Variants in PTPRG observed in about 807,000 individuals in gnomAD.
PTPRG encodes receptor-type tyrosine-protein phosphatase gamma.
In PTPRG, 102 loss-of-function variants were observed where a neutral mutation model predicts 165.3. The observed-to-expected ratio is 0.62, with a 90% confidence interval of 0.53 to 0.73. The LOEUF (loss-of-function observed/expected upper bound fraction) is 0.73. Ranked by LOEUF, PTPRG falls within the 30% of genes least tolerant of loss-of-function variation. PTPRG has a pLI of 0.00. For missense variants in PTPRG, 1,866 were observed against 1,861.4 expected (o/e 1.00, Z -0.05); for synonymous variants, 675 against 669.5 (o/e 1.01, Z -0.13).
At chr3:61,897,312 A>G (rs144716809) in intron 2 of PTPRG, among the ~76,000 whole-genome samples, 1 of 145,820 alleles carries the variant, frequency 6.9e-6, no homozygotes, top group Non-Finnish European at 1.5e-5. Flanking sequence ...TTTTTTGCCT[A>G]AGGTTTTCCA....
intron 2 of PTPRG, among the ~76,000 whole-genome samples, chr3:61,978,543 A>G (rs909603902): frequency 2.8e-4 from 43 of 152,190 alleles, no homozygotes; most frequent in African/African-American, 8.9e-4. Flanking sequence ...ATTATTGCCA[A>G]TTCTTTCGTA....
At chr3:62,017,405 A>G (rs1337590080) in intron 4 of PTPRG, among the ~76,000 whole-genome samples, 1 of 141,362 alleles carries the variant, frequency 7.1e-6, no homozygotes. Flanking sequence ...TTAATCGTTT[A>G]GCTCAGAAAA....
At position 62,157,056 on chromosome 3, in the gene PTPRG, TC is replaced by T; in HGVS notation, c.683-7del. 2 of 1,589,976 alleles carry T rather than the reference TC, an allele frequency of 1.3e-6. No homozygotes were observed. The highest frequency in any genetic ancestry group is 1.7e-6 in the Non-Finnish European group (2 of 1,158,346). On this transcript the variant is annotated splice_polypyrimidine_tract_variant and intron_variant, in intron 6 of 29. Coordinates refer to ENST00000474889, the MANE Select transcript of PTPRG (RefSeq NM_002841.4). ...CCATTGTGCTTTTCTTTTCCCTTTT[TC>T]CCCAAACAGAGAAGGAGACCTTTCT...
chr3:62,183,436 T>C (rs1329962608), intron 8 of PTPRG, among the ~76,000 whole-genome samples: 1 of 151,992 alleles, frequency 6.6e-6, no homozygotes, highest in African/African-American at 2.4e-5. Context: ...TGGTGGTGGG[T>C]ACCTGTAATC....
At chr3:61,763,971 T>C (rs1187372161) in intron 2 of PTPRG, among the ~76,000 whole-genome samples, 2 of 152,214 alleles carry the variant, frequency 1.3e-5, no homozygotes, top group Non-Finnish European at 2.9e-5. Flanking sequence ...GAGCCACACA[T>C]AGCTACTGAC....
chr3:61,986,250 A>G (rs1340730354), intron 2 of PTPRG, among the ~76,000 whole-genome samples: 2 of 151,430 alleles, frequency 1.3e-5, no homozygotes, highest in Admixed American at 1.3e-4. Context: ...GGCTTACTGT[A>G]TGTGAGCCCC....
intron 2 of PTPRG, among the ~76,000 whole-genome samples, chr3:61,868,371 A>G (rs950167840): frequency 1.3e-5 from 2 of 152,164 alleles, no homozygotes; most frequent in Non-Finnish European, 2.9e-5. Context: ...GAAGAAAGGC[A>G]TCATATCATC....
chr3:62,017,452 T>G lies in PTPRG; in HGVS notation c.519+13955T>G, dbSNP rs545031530. Reference sequence around the variant, plus strand: ...TTTTTTTGAGGCGGAGTCTCGCTCTTTCGCCCAGGCTGGAGTGCAGTGGCG... The same window carrying G: ...TTTTTTTGAGGCGGAGTCTCGCTCTGTCGCCCAGGCTGGAGTGCAGTGGCG... On this transcript the variant is annotated intron_variant, in intron 4 of 29. Coordinates refer to ENST00000474889, the MANE Select transcript of PTPRG (RefSeq NM_002841.4). Among the ~76,000 whole-genome samples, 893 of 151,914 alleles carry G rather than the reference T, an allele frequency of 5.9e-3. 15 individuals are homozygous for G. Among genetic ancestry groups the G allele is most frequent in the African/African-American group, 0.021 (852 of 41,420 alleles).
intron 3 of PTPRG, among the ~76,000 whole-genome samples, chr3:61,994,944 C>G (rs1201852953): frequency 1.3e-5 from 2 of 152,030 alleles, no homozygotes; most frequent in Non-Finnish European, 2.9e-5. Flanking sequence ...TCTCTGCAGC[C>G]CTGAAGAGCC....
At chr3:62,187,904 C>T (rs1429810659) in intron 8 of PTPRG, among the ~76,000 whole-genome samples, 1 of 152,178 alleles carries the variant, frequency 6.6e-6, no homozygotes, top group African/African-American at 2.4e-5. Flanking sequence ...GAATTCCCTT[C>T]CTGGCAGGTG....
rs938876640 is a variant in PTPRG at position 62,097,143 on chromosome 3, C to T, written c.615+18885C>T. On this transcript the variant is annotated intron_variant, in intron 5 of 29. Transcript: ENST00000474889. ...GGCAAACTCAGAGTTTCTTTGGAAC[C>T]GATTGCCTTTGTTCCACTTAGTATC... Among the ~76,000 whole-genome samples, 6 of 152,236 alleles carry T rather than the reference C, an allele frequency of 3.9e-5. No homozygotes were observed. The South Asian group carries it at 1.0e-3, about 26-fold the overall frequency.
intron 4 of PTPRG, among the ~76,000 whole-genome samples, chr3:62,015,532 A>C (rs186645770): frequency 6.6e-6 from 1 of 152,308 alleles, no homozygotes; most frequent in East Asian, 1.9e-4. Flanking sequence ...TTACAACCCA[A>C]GGTCTTGCTG....
intron 3 of PTPRG, among the ~76,000 whole-genome samples, chr3:61,995,778 T>C (rs1263111990): frequency 6.7e-6 from 1 of 150,152 alleles, no homozygotes; most frequent in Non-Finnish European, 1.5e-5. Flanking sequence ...CTTCTTTTTC[T>C]TTTTCTTTTT....
intron 12 of PTPRG, among the ~76,000 whole-genome samples, chr3:62,211,170 T>C (rs763491656): frequency 6.6e-6 from 1 of 152,226 alleles, no homozygotes; most frequent in Non-Finnish European, 1.5e-5. Context: ...AATAACTGTT[T>C]AGCCTGTAAA....
At chr3:62,125,258 T>C (rs920446703) in intron 5 of PTPRG, among the ~76,000 whole-genome samples, 5 of 152,220 alleles carry the variant, frequency 3.3e-5, no homozygotes, top group African/African-American at 1.2e-4. Flanking sequence ...GGGATTCTTT[T>C]TCAAAAGAAG....
chr3:61,772,071 A>AG (rs1339941010), intron 2 of PTPRG, among the ~76,000 whole-genome samples: 1 of 151,086 alleles, frequency 6.6e-6, no homozygotes, highest in Admixed American at 6.6e-5. Flanking sequence ...AAAAAAAAAA[A>AG]AAAAAAAAAA....
chr3:61,997,801 T>G (rs537233123), intron 3 of PTPRG, among the ~76,000 whole-genome samples: 34 of 152,316 alleles, frequency 2.2e-4, no homozygotes, highest in African/African-American at 8.2e-4. Context: ...ACAGGGAAAT[T>G]AGTGGAAGGC....
chr3:61,575,675 T>G (rs1398200643), intron 1 of PTPRG, among the ~76,000 whole-genome samples: 3 of 149,984 alleles, frequency 2.0e-5, no homozygotes, highest in African/African-American at 7.4e-5. Flanking sequence ...TTCGGCTCGC[T>G]GAAACCTCTG....
At chr3:61,957,440 G>T (rs1295811328) in intron 2 of PTPRG, among the ~76,000 whole-genome samples, 1 of 152,238 alleles carries the variant, frequency 6.6e-6, no homozygotes, top group African/African-American at 2.4e-5. Flanking sequence ...AGTTCTAGGT[G>T]AATGATGCAC....
Sources: allele counts gnomAD v4.1 joint callset (sites outside exome capture counted in the v4.1 genomes callset), GRCh38; gene constraint gnomAD v4.1.1; transcripts MANE v1.5; gene names NCBI Gene and HGNC (gene_info 2026-07-23, HGNC 2026-07-21).